Variants in CACNA2D4 observed in about 807,000 individuals in gnomAD.
CACNA2D4 encodes the protein voltage-dependent calcium channel subunit alpha-2/delta-4.
A neutral mutation model predicts 163.8 loss-of-function variants in CACNA2D4; 157 were observed. The ratio of observed to expected loss-of-function variants is 0.96; its 90% CI spans 0.84 to 1.09. CACNA2D4 has a LOEUF of 1.09. Among genes scored for constraint, CACNA2D4 ranks in the 50% least tolerant of loss-of-function variants. The probability of loss-of-function intolerance (pLI) is 0.00; values close to 1 mark genes in which losing one functional copy is unlikely to be tolerated. For missense variants in CACNA2D4, 1,410 were observed against 1,479.9 expected (o/e 0.95, Z 0.78); for synonymous variants, 598 against 586.9 (o/e 1.02, Z -0.27).
chr12:1,849,704 T>G (rs755859771), intron 23 of CACNA2D4, among the ~76,000 whole-genome samples: 3 of 152,248 alleles, frequency 2.0e-5, no homozygotes, highest in Non-Finnish European at 4.4e-5. Flanking sequence ...GTAGGTAACC[T>G]GACTTTTGGT....
At chr12:1,850,708 T>C (rs1237253111) in intron 23 of CACNA2D4, among the ~76,000 whole-genome samples, 1 of 151,896 alleles carries the variant, frequency 6.6e-6, no homozygotes, top group Non-Finnish European at 1.5e-5. Flanking sequence ...ATTGAGACCA[T>C]CCTGGCTAAC....
Position 1,884,274 on chromosome 12 carries a change from G to T in CACNA2D4, c.1320C>A (p.Asp440Glu), listed in dbSNP as rs1263952554. The T allele has an allele frequency of 6.2e-7, 1 of 1,612,570 alleles. No homozygotes were observed. ...TGTTGCATGCAATCCACTTCATGCG[G>T]TCAGCAAAAGACACTTCTCTCCCAA... ...YLIGREVSFA[D>E]RMKWIACNNK... Residue 440 changes from aspartate to glutamate, a missense_variant, in exon 12 of 38, where the codon GAC becomes GAA. Physicochemically the swap from Asp to Glu is conservative, Grantham distance 45. Transcript: ENST00000382722.
In CACNA2D4 at chr12:1,829,889, C is replaced by T. The variant is rs1864542181; in HGVS notation, c.2551+10850G>A. On this transcript the variant is annotated intron_variant, in intron 26 of 37. Coordinates refer to ENST00000382722, the MANE Select transcript of CACNA2D4 (RefSeq NM_172364.5). The surrounding 1 kb of genome is among the most constrained non-coding windows in gnomAD (Gnocchi z 4.2). ...CTTCCCAGTTCTCTTTCACGATGAGCAGGCTTCTCTGCTACTCAGGAGGAC... is the reference window on the plus strand; with the variant it reads ...CTTCCCAGTTCTCTTTCACGATGAGTAGGCTTCTCTGCTACTCAGGAGGAC... Among the ~76,000 whole-genome samples, 2 of 152,122 alleles carry T rather than the reference C, an allele frequency of 1.3e-5. No homozygotes were observed. Among genetic ancestry groups the T allele is most frequent in the Non-Finnish European group, 1.5e-5 (1 of 68,018 alleles).
intron 29 of CACNA2D4, among the ~76,000 whole-genome samples, chr12:1,809,071 A>C (rs1457371755): frequency 6.6e-6 from 1 of 152,250 alleles, no homozygotes; most frequent in East Asian, 1.9e-4. Flanking sequence ...CTGCTCGTTA[A>C]GTGGGTCATT....
At chr12:1,895,927 C>G (rs751503409) in intron 6 of CACNA2D4, among the ~76,000 whole-genome samples, 6 of 152,130 alleles carry the variant, frequency 3.9e-5, no homozygotes, top group Non-Finnish European at 8.8e-5. Context: ...GTGTGAGCCA[C>G]CATGCCTGGC....
In CACNA2D4 at chr12:1,886,237, T is replaced by C. The variant is rs10735005; in HGVS notation, c.979A>G (p.Ile327Val). Residue 327 changes from isoleucine (I) to valine (V), a missense_variant, in exon 8 of 38, where the codon ATT becomes GTT. Ile to Val is a conservative substitution (Grantham distance 29). Coordinates refer to ENST00000382722, the MANE Select transcript of CACNA2D4 (RefSeq NM_172364.5). ...GGCACATTTACCGCTATGATATTAA[T>C]GAAGTCATTCTCCCCCAGGGTGTCC... ...ILDTLGENDFINIIAYNDYVH... is the reference protein window; with the variant it reads ...ILDTLGENDFVNIIAYNDYVH... 1,445,043 of 1,612,314 alleles carry C rather than the reference T, an allele frequency of 0.9. 648,295 individuals are homozygous for C. The highest frequency in any genetic ancestry group is 1 in the East Asian group (44,829 of 44,856).
At chr12:1,821,048 G>T (rs1175183715) in intron 26 of CACNA2D4, among the ~76,000 whole-genome samples, 1 of 152,248 alleles carries the variant, frequency 6.6e-6, no homozygotes, top group Non-Finnish European at 1.5e-5. Context: ...AAGAGCTGTG[G>T]ATTCTGCTGG....
rs777755623 is a variant in CACNA2D4 at position 1,834,288 on chromosome 12, C to T, written c.2551+6451G>A. ...GTAGGGGGACGCTTGGACCAGCTTG[C>T]CTGCACCCTGCCCAAGGAGCTGAGG... On this transcript the variant is annotated intron_variant, in intron 26 of 37. Transcript: ENST00000382722. The surrounding 1 kb of genome is among the most constrained non-coding windows in gnomAD (Gnocchi z 7.6). 2 of 1,594,752 alleles carry T rather than the reference C, an allele frequency of 1.3e-6. No homozygotes were observed. The highest frequency in any genetic ancestry group is 2.2e-5 in the East Asian group (1 of 44,576).
intron 26 of CACNA2D4, among the ~76,000 whole-genome samples, chr12:1,837,161 C>T (rs549451575): frequency 1.3e-5 from 2 of 152,348 alleles, no homozygotes; most frequent in East Asian, 3.9e-4. Context: ...TGAATCGGCC[C>T]TGGCAGCCAG....
chr12:1,796,737 C>G (rs1231799849), intron 35 of CACNA2D4, among the ~76,000 whole-genome samples: 1 of 152,204 alleles, frequency 6.6e-6, no homozygotes, highest in African/African-American at 2.4e-5. Context: ...GTCTAGGGAC[C>G]GCCTGGCGAG....
chr12:1,909,380 G>C (rs1866758123), intron 4 of CACNA2D4, among the ~76,000 whole-genome samples: 1 of 152,172 alleles, frequency 6.6e-6, no homozygotes, highest in South Asian at 2.1e-4. Context: ...TTTTTTAGTA[G>C]AGACGGGGTT....
intron 36 of CACNA2D4, 122 bp downstream of exon 36, chr12:1,795,546 G>C (rs1863092434): frequency 2.4e-6 from 2 of 836,904 alleles, no homozygotes; most frequent in Non-Finnish European, 3.7e-6. Flanking sequence ...AACAAATAAC[G>C]GAGCCCTGTG....
chr12:1,860,062 A>G, intron 19 of CACNA2D4, 83 bp downstream of exon 19: 1 of 1,126,094 alleles, frequency 8.9e-7, no homozygotes, highest in East Asian at 2.4e-5. Context: ...TTTTGCTATT[A>G]CCACAAAATT....
In CACNA2D4 at chr12:1,907,954, C is replaced by T. The variant is rs780777492; in HGVS notation, c.570G>A (p.Glu190=). Residue 190 remains glutamate, a synonymous_variant, in exon 5 of 38, where the codon GAG becomes GAA. Coordinates refer to ENST00000382722, the MANE Select transcript of CACNA2D4 (RefSeq NM_172364.5). ...FVELGAEFLL[E]SNAHFSNLPV... is the part of the protein sequence containing the mutation. ...GCAGGTTGCTGAAGTGAGCATTGGACTCCAGGAGGAACTCGGCGCCCAGCT... is the reference window on the plus strand; with the variant it reads ...GCAGGTTGCTGAAGTGAGCATTGGATTCCAGGAGGAACTCGGCGCCCAGCT... The T allele has an allele frequency of 8.7e-6, 14 of 1,613,950 alleles. No individual in the cohort carries two copies. The Admixed American group carries it at 1.8e-4, about 21-fold the overall frequency.
In CACNA2D4 at chr12:1,799,638, C is replaced by T. The variant is rs754624912; in HGVS notation, c.2995+37G>A. 5.1e-6 allele frequency: 8 copies of T among 1,558,786 alleles called. No homozygotes were observed. The East Asian group carries it at 1.5e-4, about 28-fold the overall frequency. On this transcript the variant is annotated intron_variant, in intron 34 of 37. Transcript: ENST00000382722. This position sits in a 1 kb window ranked among gnomAD's most constrained non-coding sequence, Gnocchi z 4.7. ...TGTAGCTCCTGCTGCGTCCCCAACC[C>T]ACCGCCAGCAGGGATGGCCTCAGCT... is the stretch of plus-strand genomic sequence containing the variant.
chr12:1,859,103 G>C (rs1865466562), intron 19 of CACNA2D4, among the ~76,000 whole-genome samples: 1 of 152,176 alleles, frequency 6.6e-6, no homozygotes, highest in African/African-American at 2.4e-5. Flanking sequence ...TTTAAAAGAT[G>C]CAAGTGCATG....
intron 26 of CACNA2D4, among the ~76,000 whole-genome samples, chr12:1,818,078 G>A (rs1863942412): frequency 6.6e-6 from 1 of 150,486 alleles, no homozygotes; most frequent in South Asian, 2.1e-4. Context: ...GAGATGTGGG[G>A]AGCGCCTCTG....
At position 1,792,497 on chromosome 12, in the gene CACNA2D4, A is replaced by G. The variant is rs1235831978; in HGVS notation, c.*1158T>C. 1 of 152,216 alleles carries G rather than the reference A, an allele frequency of 6.6e-6. No individual in the cohort carries two copies. The highest frequency in any genetic ancestry group is 1.9e-4 in the East Asian group (1 of 5,194). 9.4% of individuals were successfully genotyped at this position (152,216 alleles called of 1,614,324 possible). ...GCCCTGCATGCTGTCCATACCCATC[A>G]CTGGGGTTTGTTAAATGGAAAGATT... On this transcript the variant is annotated 3_prime_UTR_variant, in exon 38 of 38. Coordinates refer to ENST00000382722, the MANE Select transcript of CACNA2D4 (RefSeq NM_172364.5).
Position 1,884,927 on chromosome 12 carries a change from C to G in CACNA2D4, c.1159-46G>C, listed in dbSNP as rs1432049885. ...CCCATGACCACAGGCCAAGCCCACC[C>G]CCCTCCACCTGCCGCCTTCCTCCCA... is the stretch of plus-strand genomic sequence containing the variant. On this transcript the variant is annotated intron_variant, in intron 10 of 37. Coordinates refer to ENST00000382722, the MANE Select transcript of CACNA2D4 (RefSeq NM_172364.5). 8 of 1,601,368 alleles carry G rather than the reference C, an allele frequency of 5.0e-6. No homozygotes were observed. The Admixed American group carries it at 1.0e-4, about 20-fold the overall frequency.
Sources: allele counts gnomAD v4.1 joint callset (sites outside exome capture counted in the v4.1 genomes callset), GRCh38; gene constraint gnomAD v4.1.1; non-coding constraint Gnocchi (gnomAD v3.1); transcripts MANE v1.5; gene names NCBI Gene and HGNC (gene_info 2026-07-23, HGNC 2026-07-21).